The following DLG2 variants were observed in gnomAD, a reference collection of about 807,000 sequenced individuals.
The protein encoded by DLG2 is discs large MAGUK scaffold protein 2, also known as disks large homolog 2.
In DLG2, 45 loss-of-function variants were observed where a neutral mutation model predicts 132.5. The observed-to-expected ratio is 0.34, with a 90% confidence interval of 0.27 to 0.44. The LOEUF (loss-of-function observed/expected upper bound fraction) is 0.44. Ranked by LOEUF, DLG2 falls within the 20% of genes least tolerant of loss-of-function variation. The pLI, the probability that DLG2 is intolerant of heterozygous loss-of-function variation, is 1.00. For missense variants in DLG2, 1,045 were observed against 1,196.9 expected (o/e 0.87, Z 1.87); for synonymous variants, 424 against 419.6 (o/e 1.01, Z -0.13).
At chr11:83,634,601 T>C (rs2064315952) in intron 18 of DLG2, among the ~76,000 whole-genome samples, 1 of 152,166 alleles carries the variant, frequency 6.6e-6, no homozygotes, top group African/African-American at 2.4e-5. Flanking sequence ...TTCAATTCAA[T>C]TTATTCACAA....
intron 11 of DLG2, among the ~76,000 whole-genome samples, chr11:83,996,873 C>G (rs534933093): frequency 6.6e-6 from 1 of 151,784 alleles, no homozygotes; most frequent in Non-Finnish European, 1.5e-5. Flanking sequence ...TTAATATGTA[C>G]AAATAAATAG....
At chr11:84,325,023 AC>A (rs1190030982) in intron 7 of DLG2, among the ~76,000 whole-genome samples, 3 of 151,986 alleles carry the variant, frequency 2.0e-5, no homozygotes, top group Non-Finnish European at 4.4e-5. Flanking sequence ...TTTCTTGCCT[AC>A]CTACTCTGGC....
chr11:83,500,919 T>TA (rs1482359241), intron 21 of DLG2, among the ~76,000 whole-genome samples: 1 of 152,100 alleles, frequency 6.6e-6, no homozygotes, highest in Middle Eastern at 3.2e-3. Context: ...GTGACTCCTA[T>TA]TAATTATTTC....
At chr11:85,139,702 T>C (rs1302249334) in intron 5 of DLG2, among the ~76,000 whole-genome samples, 1 of 152,080 alleles carries the variant, frequency 6.6e-6, no homozygotes, top group African/African-American at 2.4e-5. Flanking sequence ...TTACCTACAG[T>C]CCTCATGGTG....
chr11:83,995,990 T>A (rs111676096), intron 11 of DLG2, among the ~76,000 whole-genome samples: 1 of 151,938 alleles, frequency 6.6e-6, no homozygotes, highest in Non-Finnish European at 1.5e-5. Flanking sequence ...CACAACAAGT[T>A]AAAAGGCTTC....
intron 6 of DLG2, among the ~76,000 whole-genome samples, chr11:84,906,248 T>A (rs1196332387): frequency 2.6e-5 from 4 of 151,284 alleles, no homozygotes; most frequent in African/African-American, 4.8e-5. Context: ...TGTTTTTTTT[T>A]TTTTTACATC....
At chr11:85,262,509 C>T (rs1595786479) in intron 4 of DLG2, among the ~76,000 whole-genome samples, 1 of 152,132 alleles carries the variant, frequency 6.6e-6, no homozygotes, top group African/African-American at 2.4e-5. Flanking sequence ...GAAGGAACTC[C>T]TCAAACCTCC....
chr11:84,817,420 GTTT>G (rs2077194534), intron 6 of DLG2, among the ~76,000 whole-genome samples: 1 of 151,932 alleles, frequency 6.6e-6, no homozygotes, highest in Non-Finnish European at 1.5e-5. Context: ...TTATGTTGTT[GTTT>G]TTCAATCCAG....
At chr11:83,713,223 T>G (rs994434243) in intron 18 of DLG2, among the ~76,000 whole-genome samples, 1 of 152,148 alleles carries the variant, frequency 6.6e-6, no homozygotes, top group Non-Finnish European at 1.5e-5. Context: ...GGGGAAGAAT[T>G]TGAACCTAGG....
At chr11:85,122,311 G>GC (rs1784722113) in intron 5 of DLG2, among the ~76,000 whole-genome samples, 2 of 152,160 alleles carry the variant, frequency 1.3e-5, no homozygotes, top group Admixed American at 6.5e-5. Flanking sequence ...AGAGAAATCC[G>GC]CATTTAGCTG....
At chr11:83,504,749 G>A (rs1038924018) in intron 21 of DLG2, among the ~76,000 whole-genome samples, 10 of 152,082 alleles carry the variant, frequency 6.6e-5, no homozygotes, top group Admixed American at 1.3e-4. Context: ...ACTTCCACCC[G>A]TTGATTCCTG....
chr11:83,636,306 A>G (rs2064826774), intron 18 of DLG2, among the ~76,000 whole-genome samples: 2 of 152,120 alleles, frequency 1.3e-5, no homozygotes, highest in South Asian at 4.1e-4. Flanking sequence ...TTCTTCTTGG[A>G]ACTTCCTTTT....
chr11:83,919,630 C>T (rs899257795), intron 15 of DLG2, among the ~76,000 whole-genome samples: 3 of 152,098 alleles, frequency 2.0e-5, no homozygotes, highest in African/African-American at 7.2e-5. Flanking sequence ...CAGGGGTCAG[C>T]CACATCTGGA....
intron 3 of DLG2, among the ~76,000 whole-genome samples, chr11:85,428,135 G>T (rs906616169): frequency 2.6e-5 from 4 of 152,114 alleles, no homozygotes; most frequent in African/African-American, 9.7e-5. Context: ...AGCAAGTCCT[G>T]AGAGACCTAA....
At chr11:85,051,508 G>T (rs2062886687) in intron 6 of DLG2, among the ~76,000 whole-genome samples, 1 of 152,048 alleles carries the variant, frequency 6.6e-6, no homozygotes, top group African/African-American at 2.4e-5. Context: ...CTATGCTAAG[G>T]GCTGGGAATA....
intron 21 of DLG2, among the ~76,000 whole-genome samples, chr11:83,520,652 T>C (rs916670151): frequency 6.7e-6 from 1 of 150,118 alleles, no homozygotes; most frequent in South Asian, 2.1e-4. Flanking sequence ...GATAGATAGA[T>C]AGATAGATAG....
intron 7 of DLG2, among the ~76,000 whole-genome samples, chr11:84,340,362 G>C (rs2098508848): frequency 1.3e-5 from 2 of 152,116 alleles, no homozygotes; most frequent in African/African-American, 4.8e-5. Context: ...AGGGAAATAA[G>C]TGATCACTAG....
intron 6 of DLG2, among the ~76,000 whole-genome samples, chr11:84,799,325 T>A (rs2075074022): frequency 1.3e-5 from 2 of 152,132 alleles, no homozygotes; most frequent in African/African-American, 4.8e-5. Flanking sequence ...TCAATGCAAA[T>A]CCCTCCAGCT....
chr11:84,568,435 A>T (rs2099466543), intron 6 of DLG2, among the ~76,000 whole-genome samples: 1 of 152,188 alleles, frequency 6.6e-6, no homozygotes, highest in Non-Finnish European at 1.5e-5. Flanking sequence ...TGAACCCTGG[A>T]GGTGGAGGTT....
Sources: allele counts gnomAD v4.1 joint callset (sites outside exome capture counted in the v4.1 genomes callset), GRCh38; gene constraint gnomAD v4.1.1; transcripts MANE v1.5; gene names NCBI Gene and HGNC (gene_info 2026-07-23, HGNC 2026-07-21).